Variants in QKI observed in about 807,000 individuals in gnomAD.
The protein encoded by QKI is QKI, KH domain containing RNA binding.
In QKI, 10 loss-of-function variants were observed where a neutral mutation model predicts 39.0. The ratio of observed to expected loss-of-function variants is 0.26; its 90% CI spans 0.16 to 0.43. The LOEUF is 0.43. Ranked by LOEUF, QKI falls within the 20% of genes least tolerant of loss-of-function variation. QKI has a pLI of 1.00. For synonymous variants in QKI, 204 were observed against 155.4 expected, an observed-to-expected ratio of 1.31 and a Z score of -2.33; for missense variants, 218 against 428.0, an observed-to-expected ratio of 0.51 and a Z score of 4.33.
intron 3 of QKI, among the ~76,000 whole-genome samples, chr6:163,513,384 A>G (rs1487391949): frequency 6.6e-6 from 1 of 152,204 alleles, no homozygotes; most frequent in Non-Finnish European, 1.5e-5. Context: ...CATAAAATAC[A>G]CAAAACAAAA....
At chr6:163,437,995 G>C (rs762377299) in intron 1 of QKI, among the ~76,000 whole-genome samples, 1 of 152,196 alleles carries the variant, frequency 6.6e-6, no homozygotes, top group Non-Finnish European at 1.5e-5. Context: ...TTGTGTTTGA[G>C]TAGCTTTTAA....
Position 163,574,676 on chromosome 6 carries a change from A to G in QKI, c.*3966A>G, listed in dbSNP as rs1783885894. The G allele has an allele frequency of 6.6e-6, 1 of 152,202 alleles. No homozygotes were observed. The highest frequency in any genetic ancestry group is 1.5e-5 in the Non-Finnish European group (1 of 68,032). The allele number at this position is 152,202 out of a possible 1,614,324, so 9.4% of individuals were successfully genotyped here. Reference sequence around the variant, plus strand: ...GCTTTTCTTGGCTGGAACTTGGGTAAATTAACCTGTAATTATGAATTATTT... The same window carrying G: ...GCTTTTCTTGGCTGGAACTTGGGTAGATTAACCTGTAATTATGAATTATTT... On this transcript the variant is annotated 3_prime_UTR_variant, in exon 8 of 8. Coordinates refer to ENST00000361752, the MANE Select transcript of QKI (RefSeq NM_006775.3).
At chr6:163,549,933 A>G (rs1009730742) in intron 4 of QKI, among the ~76,000 whole-genome samples, 2 of 152,202 alleles carry the variant, frequency 1.3e-5, no homozygotes, top group African/African-American at 4.8e-5. Context: ...TTAACATTGT[A>G]TATACCAGGA....
In QKI at chr6:163,563,725, TTC is replaced by T; in HGVS notation, c.934+8_934+9del. ...TGAACCTAGTGGTGTATTAGGTAAG[TTC>T]TTCTCCCCATGGGGTTAACAACATT... On this transcript the variant is annotated splice_region_variant and intron_variant, in intron 6 of 7. Transcript: ENST00000361752. The T allele has an allele frequency of 4.3e-6, 7 of 1,610,290 alleles. No individual in the cohort carries two copies. Among genetic ancestry groups the T allele is most frequent in the Non-Finnish European group, 5.9e-6 (7 of 1,177,482 alleles).
chr6:163,470,965 G>A (rs1792134361), intron 2 of QKI, among the ~76,000 whole-genome samples: 1 of 152,066 alleles, frequency 6.6e-6, no homozygotes, highest in Admixed American at 6.6e-5. Flanking sequence ...CAGAGTTTGA[G>A]GGAAGTGTGT....
intron 2 of QKI, among the ~76,000 whole-genome samples, chr6:163,472,257 G>GGAA (rs1792261813): frequency 6.6e-6 from 1 of 151,944 alleles, no homozygotes. Flanking sequence ...GAAATCATAA[G>GGAA]GAAGAAAAAA....
rs745614791 is a variant in QKI at position 163,566,749 on chromosome 6, C to T, written c.963C>T (p.His321=). ...LGAVATKVRR[H]DMRVHPYQRI... The stretch of plus-strand genomic sequence containing the variant: ...CGGTGGCTACTAAAGTTCGAAGGCA[C>T]GATATGCGTGTCCATCCTTACCAAA... The change falls in exon 7 of 8, where the codon CAC becomes CAT. Residue 321 remains histidine (H), a synonymous_variant. Coordinates refer to ENST00000361752, the MANE Select transcript of QKI (RefSeq NM_006775.3). 5.6e-6 allele frequency: 9 copies of T among 1,613,764 alleles called. No homozygotes were observed. Among genetic ancestry groups the T allele is most frequent in the South Asian group, 1.1e-5 (1 of 91,048 alleles).
chr6:163,488,825 G>A (rs1737611), intron 3 of QKI, among the ~76,000 whole-genome samples: 113,081 of 151,980 alleles, frequency 0.74, 42,308 homozygotes, highest in East Asian at 1. Context: ...TTCTACCTTA[G>A]AATATTTACA....
chr6:163,566,877 A>C, intron 7 of QKI, 82 bp downstream of exon 7: 1 of 1,553,396 alleles, frequency 6.4e-7, no homozygotes, highest in African/African-American at 1.4e-5. Context: ...TGATGGAAAA[A>C]TGTAATTGCT....
chr6:163,533,208 A>G lies in QKI; in HGVS notation c.403-1774A>G, dbSNP rs148573913. ...ACTGTTAGCATTCTTGAACATAACA[A>G]TTGAAATCTGGATAACAAAACTAAT... is the stretch of plus-strand genomic sequence containing the variant. On this transcript the variant is annotated intron_variant, in intron 3 of 7. Transcript: ENST00000361752. Among the ~76,000 whole-genome samples the G allele has an allele frequency of 1.8e-3, 276 of 152,256 alleles. 1 individual carries two copies. Among genetic ancestry groups the G allele is most frequent in the African/African-American group, 6.4e-3 (265 of 41,550 alleles).
chr6:163,565,622 A>C lies in QKI; in HGVS notation c.935-1099A>C, dbSNP rs1051530231. ...CAAAATATGCAGATTTCTAATTGGC[A>C]TTCATAAGGTGAATAATAATAAGTG... On this transcript the variant is annotated intron_variant, in intron 6 of 7. Transcript: ENST00000361752. 3 of 1,018,902 alleles carry C rather than the reference A, an allele frequency of 2.9e-6. No individual in the cohort carries two copies. The African/African-American group carries it at 5.1e-5, about 17-fold the overall frequency. 63.1% of individuals were successfully genotyped at this position (1,018,902 alleles called of 1,614,324 possible). A position where few individuals can be genotyped will look rare whatever the true frequency, so the allele number is the denominator to read the frequency against.
intron 3 of QKI, among the ~76,000 whole-genome samples, chr6:163,503,049 T>G (rs550002900): frequency 6.6e-6 from 1 of 152,230 alleles, no homozygotes; most frequent in Admixed American, 6.5e-5. Context: ...TTCTGACTTG[T>G]GTGAGATGGT....
intron 2 of QKI, among the ~76,000 whole-genome samples, chr6:163,456,188 G>T (rs540090632): frequency 1.2e-4 from 18 of 152,220 alleles, no homozygotes; most frequent in African/African-American, 4.3e-4. Context: ...CTTCAGAGAG[G>T]CTTCCCCTGA....
intron 3 of QKI, among the ~76,000 whole-genome samples, chr6:163,493,133 CT>C (rs34924542): frequency 2.9e-4 from 41 of 140,578 alleles, no homozygotes; most frequent in Middle Eastern, 3.6e-3. Context: ...ATCTACAATA[CT>C]TTTTTTTTTT....
intron 1 of QKI, among the ~76,000 whole-genome samples, chr6:163,421,548 A>G (rs1562415136): frequency 7.0e-6 from 1 of 142,868 alleles, no homozygotes; most frequent in African/African-American, 2.7e-5. Context: ...TGGTGTGTTC[A>G]GGATAACGAC....
chr6:163,448,565 TA>T (rs940784679), intron 1 of QKI, among the ~76,000 whole-genome samples: 69 of 146,036 alleles, frequency 4.7e-4, no homozygotes, highest in Non-Finnish European at 3.8e-4. Flanking sequence ...CCGTGTCTAC[TA>T]AAAAAAAAAA....
intron 3 of QKI, among the ~76,000 whole-genome samples, chr6:163,517,236 G>C (rs1779886793): frequency 6.6e-6 from 1 of 152,056 alleles, no homozygotes; most frequent in Non-Finnish European, 1.5e-5. Context: ...AAACCCAGTT[G>C]GTGTTTGGAA....
rs1261465410 is a variant in QKI, at chr6:163,511,023, G to A, written c.403-23959G>A. On this transcript the variant is annotated intron_variant, in intron 3 of 7. Coordinates refer to ENST00000361752, the MANE Select transcript of QKI (RefSeq NM_006775.3). ...CATTCACCAAAACAGAGCATGCTGG[G>A]CTTTGTACATGCTGGGCCATAAGGT... 2.6e-5 allele frequency among the ~76,000 whole-genome samples: 4 copies of A among 152,178 alleles called. No homozygotes were observed. The East Asian group carries it at 5.8e-4, about 22-fold the overall frequency.
At chr6:163,416,552 G>C (rs1749069149) in intron 1 of QKI, 1 of 152,200 alleles carries the variant, frequency 6.6e-6, no homozygotes, top group African/African-American at 2.4e-5. Context: ...AAATAGAGTC[G>C]GGGAACAGGA....
Sources: gnomAD v4.1 joint callset for allele counts (sites outside exome capture counted in the v4.1 genomes callset) on GRCh38, gnomAD v4.1.1 for gene constraint, MANE v1.5 for transcripts, NCBI Gene and HGNC (gene_info 2026-07-23, HGNC 2026-07-21) for gene names.